TBX19: variants seen among roughly 807,000 people sequenced by gnomAD.
TBX19 encodes the protein T-box transcription factor TBX19.
TBX19 carries 33 observed loss-of-function variants against 40.9 expected under a neutral mutation model. That is an observed-to-expected ratio of 0.81 (90% CI 0.61 to 1.08). The LOEUF (loss-of-function observed/expected upper bound fraction) is 1.08. TBX19 is among the 50% of genes least tolerant of loss of function. The pLI is 0.00. For synonymous variants in TBX19, 220 were observed against 225.0 expected (o/e 0.98, Z 0.20); for missense variants, 494 against 574.0 (o/e 0.86, Z 1.42).
rs779560652 is a variant in TBX19, at chr1:168,305,018, G to T, written c.738G>T (p.Trp246Cys). 8.1e-6 allele frequency: 13 copies of T among 1,614,034 alleles called. No individual in the cohort carries two copies. Among genetic ancestry groups the T allele is most frequent in the Non-Finnish European group, 1.0e-5 (12 of 1,180,024 alleles). The change falls in exon 6 of 8, where the codon TGG (tryptophan) becomes TGT (cysteine). Residue 246 changes from tryptophan (W) to cysteine (C), a missense_variant. By Grantham distance (215) the Trp-to-Cys change is radical. This residue lies in a region of TBX19 where 284 missense variants were observed against 307.3 expected (regional missense o/e 0.92). Coordinates refer to ENST00000367821, the MANE Select transcript of TBX19 (RefSeq NM_005149.3). ...TCTTGTCTATTTTAGTGGGAGGCTGGATCTTTTCCAATCCAGATGGAGTGT... is the reference window on the plus strand; with the variant it reads ...TCTTGTCTATTTTAGTGGGAGGCTGTATCTTTTCCAATCCAGATGGAGTGT... ...QHVTYSHLGGWIFSNPDGVCT... is the reference protein window; with the variant it reads ...QHVTYSHLGGCIFSNPDGVCT...
At chr1:168,283,900 C>T (rs183993063) in intron 1 of TBX19, among the ~76,000 whole-genome samples, 236 of 152,232 alleles carry the variant, frequency 1.6e-3, no homozygotes, top group Non-Finnish European at 1.3e-3. Context: ...CTTGAAATAG[C>T]GTAAGATGGG....
At chr1:168,300,994 T>C (rs995803807) in intron 5 of TBX19, among the ~76,000 whole-genome samples, 1 of 152,210 alleles carries the variant, frequency 6.6e-6, no homozygotes, top group Admixed American at 6.5e-5. Flanking sequence ...TGTTGGATGT[T>C]CCCATCAGGG....
At chr1:168,307,731 T>C (rs1438982628) in intron 6 of TBX19, among the ~76,000 whole-genome samples, 1 of 151,964 alleles carries the variant, frequency 6.6e-6, no homozygotes, top group East Asian at 1.9e-4. Flanking sequence ...AAGACATTCT[T>C]CCCCCACCCC....
intron 2 of TBX19, 98 bp downstream of exon 2, chr1:168,291,522 T>A (rs1648944172): frequency 6.5e-7 from 1 of 1,535,328 alleles, no homozygotes. Context: ...AGAGGTGTCC[T>A]CACCAGCCTC....
At chr1:168,298,893 TTCTTTCTCTCTC>T (rs1649197410) in intron 4 of TBX19, among the ~76,000 whole-genome samples, 1 of 117,908 alleles carries the variant, frequency 8.5e-6, no homozygotes, top group South Asian at 3.1e-4. Context: ...CTTTCTTTCT[TTCTTTCTCTCTC>T]TCTCTCTTTC....
At chr1:168,294,984 C>T (rs1649065223) in intron 3 of TBX19, among the ~76,000 whole-genome samples, 1 of 152,040 alleles carries the variant, frequency 6.6e-6, no homozygotes, top group Non-Finnish European at 1.5e-5. Flanking sequence ...CTTTGACACT[C>T]TAATAGGTTA....
At chr1:168,308,619 T>A in intron 6 of TBX19, 123 bp from the exon 7 acceptor site, 1 of 1,240,202 alleles carries the variant, frequency 8.1e-7, no homozygotes, top group South Asian at 1.2e-5. Context: ...GAGAAAGAAC[T>A]AACAAACTGT....
chr1:168,291,052 C>T lies in TBX19; in HGVS notation c.204-108C>T, dbSNP rs1648926237. On this transcript the variant is annotated intron_variant, in intron 1 of 7. Coordinates refer to ENST00000367821, the MANE Select transcript of TBX19 (RefSeq NM_005149.3). ...TGGACTTGGGCCCTGTTTATTTGGC[C>T]TCCTCACAGGGCATTCCGTGGAAGG... The T allele has an allele frequency of 6.8e-6, 10 of 1,476,384 alleles. No homozygotes were observed. The South Asian group carries it at 1.0e-4, about 15-fold the overall frequency. 91.5% of individuals were successfully genotyped at this position (1,476,384 alleles called of 1,614,324 possible).
Position 168,308,761 on chromosome 1 carries a change from A to G in TBX19, c.936A>G (p.Ser312=), listed in dbSNP as rs774897412. ...HSPSVNLIES[S]SNNLQVFSGP... ...CCCAAGTGAATTTGATAGAAAGCTCAAGCAATAATCTGCAAGTTTTCTCGG... is the reference window on the plus strand; with the variant it reads ...CCCAAGTGAATTTGATAGAAAGCTCGAGCAATAATCTGCAAGTTTTCTCGG... Residue 312 remains serine (S), a synonymous_variant, in exon 7 of 8, where the codon TCA becomes TCG. Transcript: ENST00000367821. 6.2e-7 allele frequency: 1 copy of G among 1,614,136 alleles called. No individual in the cohort carries two copies. The highest frequency in any genetic ancestry group is 2.2e-5 in the East Asian group (1 of 44,872).
intron 5 of TBX19, 124 bp from the exon 6 acceptor site, chr1:168,304,884 C>T: frequency 1.0e-6 from 1 of 989,584 alleles, no homozygotes; most frequent in Non-Finnish European, 1.6e-6. Flanking sequence ...AGGCTGGCAC[C>T]ATCACACAGG....
intron 1 of TBX19, among the ~76,000 whole-genome samples, chr1:168,287,281 C>A (rs1423849581): frequency 6.6e-6 from 1 of 152,170 alleles, no homozygotes; most frequent in Non-Finnish European, 1.5e-5. Context: ...ATTGTACTTG[C>A]TATTTCCTTT....
At chr1:168,296,535 G>T (rs1649108199) in intron 3 of TBX19, among the ~76,000 whole-genome samples, 2 of 152,052 alleles carry the variant, frequency 1.3e-5, no homozygotes, top group African/African-American at 4.8e-5. Context: ...ACTACCACGA[G>T]AACAGTATGG....
intron 1 of TBX19, among the ~76,000 whole-genome samples, chr1:168,286,474 A>G (rs1204135541): frequency 6.6e-6 from 1 of 152,258 alleles, no homozygotes; most frequent in African/African-American, 2.4e-5. Flanking sequence ...TATCCTGGGA[A>G]TCATACAATA....
At chr1:168,292,992 G>A (rs1470719688) in intron 2 of TBX19, 152 bp from the exon 3 acceptor site, 4 of 1,186,816 alleles carry the variant, frequency 3.4e-6, no homozygotes, top group Admixed American at 3.9e-5. Flanking sequence ...TCTTAGAGGT[G>A]TGGTGGCAGC....
intron 1 of TBX19, among the ~76,000 whole-genome samples, chr1:168,284,091 TTC>T (rs1028236115): frequency 3.3e-5 from 5 of 151,814 alleles, no homozygotes; most frequent in Non-Finnish European, 7.4e-5. Context: ...GTTCCTTCCT[TTC>T]TCTCTCTCTC....
chr1:168,308,621 A>G, intron 6 of TBX19, 121 bp from the exon 7 acceptor site: 1 of 1,267,724 alleles, frequency 7.9e-7, no homozygotes, highest in Non-Finnish European at 1.1e-6. Flanking sequence ...GAAAGAACTA[A>G]CAAACTGTTG....
At chr1:168,292,747 C>A (rs377408325) in intron 2 of TBX19, among the ~76,000 whole-genome samples, 4 of 151,818 alleles carry the variant, frequency 2.6e-5, no homozygotes, top group African/African-American at 9.7e-5. Flanking sequence ...GCCTGTAGTC[C>A]CAGCTACTCG....
chr1:168,312,178 T>C (rs996542543), intron 7 of TBX19, among the ~76,000 whole-genome samples: 4 of 152,196 alleles, frequency 2.6e-5, no homozygotes, highest in African/African-American at 9.7e-5. Context: ...TAGCAATCTC[T>C]GTAAGGTAGG....
rs991822432 is a variant in TBX19 at position 168,289,168 on chromosome 1, A to G, written c.204-1992A>G. 2.6e-5 allele frequency among the ~76,000 whole-genome samples: 4 copies of G among 152,214 alleles called. No homozygotes were observed. The East Asian group carries it at 7.7e-4, about 29-fold the overall frequency. On this transcript the variant is annotated intron_variant, in intron 1 of 7. Transcript: ENST00000367821. ...GGTCTGACTCCTGGCTGTCAGAATA[A>G]CCCTATATGATCCCTAGAATCATTT...
Sources: allele counts gnomAD v4.1 joint callset (sites outside exome capture counted in the v4.1 genomes callset), GRCh38; gene constraint gnomAD v4.1.1; regional missense constraint gnomAD v4.1.1; transcripts MANE v1.5; gene names NCBI Gene and HGNC (gene_info 2026-07-23, HGNC 2026-07-21).